NBAS: variants seen among roughly 807,000 people sequenced by gnomAD.
NBAS encodes NBAS subunit of NRZ tethering complex, also known as NAG/BC035112 fusion.
A neutral mutation model predicts 302.5 loss-of-function variants in NBAS; 219 were observed. The ratio of observed to expected loss-of-function variants is 0.72; its 90% CI spans 0.65 to 0.81. NBAS has a LOEUF of 0.81. Among genes scored for constraint, NBAS ranks in the 30% least tolerant of loss-of-function variants. The probability of loss-of-function intolerance (pLI) is 0.00; values close to 1 mark genes in which losing one functional copy is unlikely to be tolerated. For synonymous variants in NBAS, 1,118 were observed against 1,021.6 expected (o/e 1.09, Z -1.80); for missense variants, 2,932 against 2,841.6 (o/e 1.03, Z -0.72).
At chr2:15,273,936 G>A (rs1669448947) in intron 44 of NBAS, among the ~76,000 whole-genome samples, 2 of 151,500 alleles carry the variant, frequency 1.3e-5, no homozygotes, top group African/African-American at 2.4e-5. Flanking sequence ...AAAAAAATTA[G>A]CCAGGCATGG....
chr2:15,020,668 A>T, the NBAS span, among the ~76,000 whole-genome samples: 1 of 152,212 alleles, frequency 6.6e-6, no homozygotes, highest in East Asian at 1.9e-4. Context: ...AGAGTGAAAG[A>T]GGAAGATTGG....
the NBAS span, chr2:14,890,806 A>T: frequency 4.3e-5 from 7 of 162,830 alleles, no homozygotes; most frequent in Middle Eastern, 2.8e-3. Context: ...CTGGGGAACA[A>T]GAGCAAAACT....
At chr2:15,485,359 G>A (rs1680579659) in intron 12 of NBAS, among the ~76,000 whole-genome samples, 1 of 152,160 alleles carries the variant, frequency 6.6e-6, no homozygotes, top group Admixed American at 6.5e-5. Context: ...CAAATAATAG[G>A]ATGCCACTAA....
the NBAS span, among the ~76,000 whole-genome samples, chr2:14,897,936 G>T: frequency 6.6e-6 from 1 of 152,198 alleles, no homozygotes; most frequent in Non-Finnish European, 1.5e-5. Context: ...AAGGCTTGAT[G>T]TTGGACACTT....
the NBAS span, among the ~76,000 whole-genome samples, chr2:14,982,545 C>T: frequency 1.3e-5 from 2 of 151,928 alleles, no homozygotes; most frequent in Non-Finnish European, 2.9e-5. Context: ...CTAGTCACTT[C>T]TGGAATGGAA....
At chr2:14,903,771 G>A in the NBAS span, among the ~76,000 whole-genome samples, 2 of 152,230 alleles carry the variant, frequency 1.3e-5, no homozygotes, top group African/African-American at 4.8e-5. Context: ...CAACACTGGA[G>A]CTCAACATTG....
chr2:15,559,280 C>A (rs1011231617), intron 1 of NBAS, among the ~76,000 whole-genome samples: 1 of 152,110 alleles, frequency 6.6e-6, no homozygotes, highest in Admixed American at 6.6e-5. Flanking sequence ...TCTATTGAGG[C>A]TGTAAGTTTT....
Position 15,511,339 on chromosome 2 carries a change from A to C in NBAS, c.758T>G (p.Val253Gly), listed in dbSNP as rs764164808. The C allele has an allele frequency of 1.9e-5, 31 of 1,613,942 alleles. No homozygotes were observed. Among genetic ancestry groups the C allele is most frequent in the Non-Finnish European group, 2.5e-5 (30 of 1,179,962 alleles). ...TACTTCAGCAGTTTCACATCCACCA[A>C]CAAGTAAAAGTCTAAAAAGGAGAAA... ...IYHPGHRLLL[V>G]GGCETAEVGM... The change falls in exon 10 of 52, where the codon GTT becomes GGT. Residue 253 changes from valine (V) to glycine (G), a missense_variant. Val to Gly is a moderately radical substitution (Grantham distance 109). Transcript: ENST00000281513.
At chr2:14,967,687 C>G in the NBAS span, among the ~76,000 whole-genome samples, 8 of 152,050 alleles carry the variant, frequency 5.3e-5, no homozygotes, top group Non-Finnish European at 1.2e-4. Context: ...AAAGCACAAA[C>G]AGTAAAGGAA....
At chr2:15,145,181 A>G in the NBAS span, among the ~76,000 whole-genome samples, 1 of 152,126 alleles carries the variant, frequency 6.6e-6, no homozygotes, top group East Asian at 1.9e-4. Flanking sequence ...TGTTGCTGGT[A>G]CACATACCAG....
intron 35 of NBAS, among the ~76,000 whole-genome samples, chr2:15,339,739 A>T (rs1672760697): frequency 6.6e-6 from 1 of 152,196 alleles, no homozygotes; most frequent in African/African-American, 2.4e-5. Context: ...TGAGAACACC[A>T]TAATAACACA....
At chr2:15,266,288 CAGACATTGTT>C (rs1217790605) in intron 44 of NBAS, among the ~76,000 whole-genome samples, 2 of 152,184 alleles carry the variant, frequency 1.3e-5, no homozygotes, top group Non-Finnish European at 2.9e-5. Context: ...ATGAATACAG[CAGACATTGTT>C]AACATTTTGA....
chr2:15,429,311 C>T (rs372097862), intron 21 of NBAS, among the ~76,000 whole-genome samples: 19 of 152,302 alleles, frequency 1.2e-4, no homozygotes, highest in African/African-American at 4.6e-4. Context: ...AAACAAACTT[C>T]AATTGCCTTG....
At chr2:14,962,007 C>T in the NBAS span, among the ~76,000 whole-genome samples, 55 of 152,286 alleles carry the variant, frequency 3.6e-4, no homozygotes, top group African/African-American at 1.3e-3. Context: ...CTCCTGACCT[C>T]AAGTGATCCA....
At chr2:14,940,372 C>A in the NBAS span, among the ~76,000 whole-genome samples, 1 of 152,172 alleles carries the variant, frequency 6.6e-6, no homozygotes, top group Admixed American at 6.5e-5. Flanking sequence ...AGTCATGTGA[C>A]ATGTCTGTTC....
At chr2:15,014,174 G>C in the NBAS span, among the ~76,000 whole-genome samples, 1 of 152,028 alleles carries the variant, frequency 6.6e-6, no homozygotes, top group African/African-American at 2.4e-5. Flanking sequence ...ACATCTAAAA[G>C]GAGAGATAGA....
At chr2:15,038,707 G>A in the NBAS span, among the ~76,000 whole-genome samples, 5 of 47,978 alleles carry the variant, frequency 1.0e-4, no homozygotes, top group Admixed American at 2.7e-4. Context: ...AGGACAAGCA[G>A]CAGTAGCCTA....
the NBAS span, among the ~76,000 whole-genome samples, chr2:15,060,538 C>T: frequency 6.6e-6 from 1 of 152,132 alleles, no homozygotes; most frequent in Admixed American, 6.5e-5. Context: ...TAGGCGCACA[C>T]AGGGCAAGCC....
intron 47 of NBAS, among the ~76,000 whole-genome samples, chr2:15,221,163 C>T (rs921285462): frequency 1.3e-5 from 2 of 152,064 alleles, no homozygotes; most frequent in African/African-American, 4.8e-5. Context: ...GCTGAATAGA[C>T]AGTACAGTGT....
Sources: gnomAD v4.1 joint callset for allele counts (sites outside exome capture counted in the v4.1 genomes callset) on GRCh38, gnomAD v4.1.1 for gene constraint, MANE v1.5 for transcripts, NCBI Gene and HGNC (gene_info 2026-07-23, HGNC 2026-07-21) for gene names.